Variants in DAB2 observed in about 807,000 individuals in gnomAD.
The protein encoded by DAB2 is disabled homolog 2.
Under a neutral mutation model 71.6 loss-of-function variants are expected in DAB2, and 28 were observed. That is an observed-to-expected ratio of 0.39 (90% confidence interval 0.29 to 0.54). The LOEUF (loss-of-function observed/expected upper bound fraction) is 0.54. Ranked by LOEUF, DAB2 falls within the 20% of genes least tolerant of loss-of-function variation. DAB2 has a pLI of 0.68. For missense variants in DAB2, 867 were observed against 928.8 expected (o/e 0.93, Z 0.86); for synonymous variants, 345 against 339.7 (o/e 1.02, Z -0.17).
At chr5:39,402,462 G>C (rs1264376800) in intron 1 of DAB2, among the ~76,000 whole-genome samples, 1 of 152,084 alleles carries the variant, frequency 6.6e-6, no homozygotes, top group East Asian at 1.9e-4. Context: ...TGTTGCCCAG[G>C]CTGGAGTGCA....
rs1755166039 is a variant in DAB2 at position 39,389,134 on chromosome 5, A to G, written c.544-11T>C. ...GCTGGCTTCCTCTATCTAAAAAGAA[A>G]GATACATATTCAGTGATCTTCATAT... is the stretch of plus-strand genomic sequence containing the variant. On this transcript the variant is annotated splice_polypyrimidine_tract_variant and intron_variant, in intron 6 of 14. Coordinates refer to ENST00000320816, the MANE Select transcript of DAB2 (RefSeq NM_001343.4). 6.2e-7 allele frequency: 1 copy of G among 1,607,936 alleles called. No homozygotes were observed. Among genetic ancestry groups the G allele is most frequent in the South Asian group, 1.1e-5 (1 of 90,670 alleles).
At chr5:39,418,011 T>C (rs1028234702) in intron 1 of DAB2, 1 of 152,158 alleles carries the variant, frequency 6.6e-6, no homozygotes, top group East Asian at 1.9e-4. Context: ...TACATACTTG[T>C]TTTTTCTACT....
intron 7 of DAB2, 115 bp from the exon 8 acceptor site, chr5:39,388,967 A>G: frequency 1.5e-6 from 2 of 1,292,914 alleles, no homozygotes; most frequent in Non-Finnish European, 2.2e-6. Context: ...TTAACTAAAC[A>G]TCTTTCATGA....
In DAB2 at chr5:39,376,705, C is replaced by T; in HGVS notation, c.2082G>A (p.Gln694=). 1 of 1,614,134 alleles carries T rather than the reference C, an allele frequency of 6.2e-7. No individual in the cohort carries two copies. The highest frequency in any genetic ancestry group is 1.1e-5 in the South Asian group (1 of 91,084). ...SYFNSKVGIP[Q]ENADHDDFDA... ...CAAAGTCATCATGGTCTGCATTCTC[C>T]TGAGGAATGCCAACCTTGCTGTTGA... is the stretch of plus-strand genomic sequence containing the variant. Residue 694 remains glutamine, a synonymous_variant, in exon 12 of 15, where the codon CAG becomes CAA. Transcript: ENST00000320816.
chr5:39,399,594 G>A (rs1755450750), intron 1 of DAB2, among the ~76,000 whole-genome samples: 1 of 152,182 alleles, frequency 6.6e-6, no homozygotes, highest in Admixed American at 6.5e-5. Context: ...AAATCTCCCT[G>A]AAAGAATGCA....
intron 1 of DAB2, among the ~76,000 whole-genome samples, chr5:39,423,436 G>A (rs1579932737): frequency 2.2e-5 from 1 of 44,830 alleles, no homozygotes; most frequent in Admixed American, 2.0e-4. Flanking sequence ...AGTGGGCGGG[G>A]CACCTGGCTC....
chr5:39,388,676 A>G, intron 8 of DAB2, 123 bp downstream of exon 8: 2 of 791,038 alleles, frequency 2.5e-6, no homozygotes, highest in South Asian at 1.9e-5. Context: ...ATTTTGAAAA[A>G]CAGTTGTCTC....
At chr5:39,396,677 T>A (rs1278837846) in intron 1 of DAB2, among the ~76,000 whole-genome samples, 2 of 152,240 alleles carry the variant, frequency 1.3e-5, no homozygotes, top group African/African-American at 4.8e-5. Context: ...GCAACTGAAG[T>A]CTAGGGGTGG....
At chr5:39,422,000 G>A (rs1756000794) in intron 1 of DAB2, among the ~76,000 whole-genome samples, 1 of 152,082 alleles carries the variant, frequency 6.6e-6, no homozygotes, top group African/African-American at 2.4e-5. Flanking sequence ...AACCCAGGAG[G>A]CAGAGGCTGC....
At chr5:39,381,354 G>T in intron 11 of DAB2, 100 bp downstream of exon 11, 2 of 1,228,164 alleles carry the variant, frequency 1.6e-6, no homozygotes, top group Non-Finnish European at 2.3e-6. Flanking sequence ...CAAATCTTAT[G>T]CTGTAAAACC....
intron 5 of DAB2, 129 bp downstream of exon 5, chr5:39,390,315 T>C: frequency 2.5e-6 from 3 of 1,183,052 alleles, no homozygotes; most frequent in Non-Finnish European, 2.4e-6. Flanking sequence ...ATAAAAATAG[T>C]CATTCTCGGA....
chr5:39,391,979 A>T (rs67632727), intron 4 of DAB2, among the ~76,000 whole-genome samples: 114,490 of 143,544 alleles, frequency 0.8, 46,850 homozygotes, highest in Non-Finnish European at 0.89. Context: ...AAAAAAAAAA[A>T]AAATATATAT....
intron 6 of DAB2, 45 bp downstream of exon 6, chr5:39,389,807 C>A: frequency 1.7e-6 from 2 of 1,165,692 alleles, no homozygotes; most frequent in East Asian, 2.5e-5. Context: ...CCACCATGCC[C>A]AGCCAGTTTT....
chr5:39,380,159 G>A (rs951152559), intron 11 of DAB2, among the ~76,000 whole-genome samples: 4 of 152,156 alleles, frequency 2.6e-5, no homozygotes, highest in Admixed American at 2.6e-4. Flanking sequence ...ACGCAGAAAG[G>A]GGGAAGCCCC....
rs1755019184 is a variant in DAB2 at position 39,383,069 on chromosome 5, TCA to T, written c.888_889del (p.Asp297ArgfsTer15). 1 of 1,613,932 alleles carries T rather than the reference TCA, an allele frequency of 6.2e-7. No individual in the cohort carries two copies. Among genetic ancestry groups the T allele is most frequent in the Non-Finnish European group, 8.5e-7 (1 of 1,179,992 alleles). ...TTGGTCTGGCTGTGTGAAAGGATCG[TCA>T]CGGAAAGGATCAGGATTAGGGGTGG... On this transcript the variant is annotated frameshift_variant, in exon 10 of 15. Transcript: ENST00000320816. LOFTEE classifies it high-confidence loss of function.
intron 1 of DAB2, among the ~76,000 whole-genome samples, chr5:39,406,249 C>T (rs934990788): frequency 4.6e-5 from 7 of 152,110 alleles, no homozygotes; most frequent in African/African-American, 1.7e-4. Context: ...CAAGCAGACT[C>T]GGGCAGCATG....
At chr5:39,421,015 C>T (rs1755970038) in intron 1 of DAB2, among the ~76,000 whole-genome samples, 2 of 152,248 alleles carry the variant, frequency 1.3e-5, no homozygotes, top group Admixed American at 1.3e-4. Context: ...ACAATGCTGA[C>T]TTCAGGGGGA....
intron 4 of DAB2, among the ~76,000 whole-genome samples, chr5:39,391,965 CAAAAAAA>C (rs10708821): frequency 7.1e-6 from 1 of 141,482 alleles, no homozygotes; most frequent in South Asian, 2.2e-4. Context: ...TACCCGAGGT[CAAAAAAA>C]AAAAAAAAAA....
Position 39,422,837 on chromosome 5 carries a change from C to A in DAB2, c.-102+1967G>T, listed in dbSNP as rs1422041372. ...CCTTTGGAGAAAGACAACAAACAGG[C>A]CTAATGCACAGGAATTTGGACTTCC... is the stretch of plus-strand genomic sequence containing the variant. On this transcript the variant is annotated intron_variant, in intron 1 of 14. Coordinates refer to ENST00000320816, the MANE Select transcript of DAB2 (RefSeq NM_001343.4). This position sits in a 1 kb window ranked among gnomAD's most constrained non-coding sequence, Gnocchi z 4.1. Among the ~76,000 whole-genome samples the A allele has an allele frequency of 1.3e-5, 2 of 152,146 alleles. No homozygotes were observed. Among genetic ancestry groups the A allele is most frequent in the Admixed American group, 1.3e-4 (2 of 15,276 alleles).
Sources: gnomAD v4.1 joint callset for allele counts (sites outside exome capture counted in the v4.1 genomes callset) on GRCh38, gnomAD v4.1.1 for gene constraint, Gnocchi (gnomAD v3.1) non-coding constraint, MANE v1.5 for transcripts, NCBI Gene and HGNC (gene_info 2026-07-23, HGNC 2026-07-21) for gene names.